Variants in ZKSCAN1 observed in about 807,000 individuals in gnomAD.
ZKSCAN1 encodes the protein zinc finger protein with KRAB and SCAN domains 1.
Under a neutral mutation model 51.6 loss-of-function variants are expected in ZKSCAN1, and 14 were observed. That is an observed-to-expected ratio of 0.27 (90% CI 0.18 to 0.42). The LOEUF is 0.42. Among genes scored for constraint, ZKSCAN1 ranks in the 10% least tolerant of loss-of-function variants. The pLI is 1.00. For missense variants in ZKSCAN1, 531 were observed against 710.0 expected, an observed-to-expected ratio of 0.75 and a Z score of 2.86; for synonymous variants, 263 against 261.5, an observed-to-expected ratio of 1.01 and a Z score of -0.06.
At chr7:100,028,492 G>T (rs577967757) in intron 3 of ZKSCAN1, among the ~76,000 whole-genome samples, 2 of 152,106 alleles carry the variant, frequency 1.3e-5, no homozygotes, top group African/African-American at 4.8e-5. Flanking sequence ...CAACCTGGGT[G>T]ACAGAGAGCC....
rs1209803016 is a variant in ZKSCAN1, at chr7:100,037,315, A to G, written c.*3118A>G. 1.0e-6 allele frequency: 1 copy of G among 985,472 alleles called. No individual in the cohort carries two copies. The highest frequency in any genetic ancestry group is 1.7e-5 in the African/African-American group (1 of 57,372). The allele number at this position is 985,472 out of a possible 1,614,324, so 61.0% of individuals were successfully genotyped here. On this transcript the variant is annotated 3_prime_UTR_variant, in exon 6 of 6. Coordinates refer to ENST00000324306, the MANE Select transcript of ZKSCAN1 (RefSeq NM_003439.4). ...ATACCCTACCCTTGCCAGGAAGAGAAGTAAAATCCTCAGGTTGTGGGGTAT... is the reference window on the plus strand; with the variant it reads ...ATACCCTACCCTTGCCAGGAAGAGAGGTAAAATCCTCAGGTTGTGGGGTAT...
chr7:100,043,546 T>A (rs73395916), downstream of ZKSCAN1, among the ~76,000 whole-genome samples: 3,359 of 151,468 alleles, frequency 0.022, 131 homozygotes, highest in African/African-American at 0.078. Flanking sequence ...GATTTTTTTT[T>A]AATTTTTTGC....
At position 100,037,168 on chromosome 7, in the gene ZKSCAN1, G is replaced by A. The variant is rs1352263614; in HGVS notation, c.*2971G>A. On this transcript the variant is annotated 3_prime_UTR_variant, in exon 6 of 6. Transcript: ENST00000324306. ...AAAACGCTTGCAACATCTAATTGGC[G>A]TTCAAGATAGTCATTCAAAAGTTCT... 1.1e-5 allele frequency: 11 copies of A among 985,324 alleles called. No individual in the cohort carries two copies. Among genetic ancestry groups the A allele is most frequent in the Middle Eastern group, 5.2e-4 (1 of 1,936 alleles). 61.0% of individuals were successfully genotyped at this position (985,324 alleles called of 1,614,324 possible). A position where few individuals can be genotyped will look rare whatever the true frequency, so the allele number is the denominator to read the frequency against.
intron 3 of ZKSCAN1, among the ~76,000 whole-genome samples, chr7:100,028,812 AC>A (rs933292565): frequency 2.6e-5 from 4 of 151,316 alleles, no homozygotes; most frequent in South Asian, 2.1e-4. Flanking sequence ...AAAAAAAAAA[AC>A]AGTATTTATT....
At chr7:100,031,558 G>T (rs1187181803) in intron 5 of ZKSCAN1, among the ~76,000 whole-genome samples, 2 of 152,136 alleles carry the variant, frequency 1.3e-5, no homozygotes, top group Non-Finnish European at 2.9e-5. Flanking sequence ...GGATTTAACA[G>T]GAGTGAGCCA....
At position 100,036,565 on chromosome 7, in the gene ZKSCAN1, A is replaced by G. The variant is rs1791368985; in HGVS notation, c.*2368A>G. ...AAATCCCGTCTCTACTAAAATTATA[A>G]AAATTAGCCGGGCATGATGGTGGGC... On this transcript the variant is annotated 3_prime_UTR_variant, in exon 6 of 6. Coordinates refer to ENST00000324306, the MANE Select transcript of ZKSCAN1 (RefSeq NM_003439.4). 2.6e-6 allele frequency: 2 copies of G among 782,768 alleles called. No homozygotes were observed. Among genetic ancestry groups the G allele is most frequent in the African/African-American group, 3.8e-5 (2 of 52,996 alleles). 48.5% of individuals were successfully genotyped at this position (782,768 alleles called of 1,614,324 possible). A position where few individuals can be genotyped will look rare whatever the true frequency, so the allele number is the denominator to read the frequency against.
intron 5 of ZKSCAN1, among the ~76,000 whole-genome samples, chr7:100,030,896 T>A (rs2115917222): frequency 6.6e-6 from 1 of 152,340 alleles, no homozygotes; most frequent in Non-Finnish European, 1.5e-5. Flanking sequence ...AACTTGCACC[T>A]GGACTGTCCT....
At chr7:100,030,204 C>A in intron 4 of ZKSCAN1, 45 bp from the exon 5 acceptor site, 1 of 1,600,784 alleles carries the variant, frequency 6.2e-7, no homozygotes, top group Non-Finnish European at 8.5e-7. Context: ...ATGGGATTGT[C>A]CCTGAGTTTG....
At chr7:100,023,380 G>A (rs1344541726) in intron 1 of ZKSCAN1, 39 bp from the exon 2 acceptor site, 3 of 1,086,884 alleles carry the variant, frequency 2.8e-6, no homozygotes, top group South Asian at 1.6e-5. Context: ...ATCACTTTTT[G>A]TAAAGGTACG....
chr7:100,016,658 C>T lies in ZKSCAN1; in HGVS notation c.-89+932C>T, dbSNP rs149055137. On this transcript the variant is annotated intron_variant, in intron 1 of 5. Transcript: ENST00000324306. ...TTAGCTTGACACTCCTCCATCCCTC[C>T]CCTCCCTTTCCTGCAGTGCCCCCTG... is the stretch of plus-strand genomic sequence containing the variant. 4.6e-5 allele frequency among the ~76,000 whole-genome samples: 7 copies of T among 152,266 alleles called. No individual in the cohort carries two copies. In the East Asian group the frequency reaches 1.3e-3, roughly 29 times the overall value.
intron 1 of ZKSCAN1, among the ~76,000 whole-genome samples, chr7:100,018,304 G>A (rs915083932): frequency 1.3e-5 from 2 of 152,170 alleles, no homozygotes; most frequent in Admixed American, 6.5e-5. Flanking sequence ...GGCTTGCAAG[G>A]AATCATGCTA....
intron 1 of ZKSCAN1, chr7:100,019,246 A>T (rs996311946): frequency 2.0e-5 from 3 of 151,970 alleles, no homozygotes; most frequent in African/African-American, 7.3e-5. Context: ...TCTCTCTGTC[A>T]CCCAGGCTGG....
intron 3 of ZKSCAN1, among the ~76,000 whole-genome samples, chr7:100,029,105 G>C (rs1385995425): frequency 6.9e-6 from 1 of 144,894 alleles, no homozygotes; most frequent in Admixed American, 7.2e-5. Flanking sequence ...CGAAAGTTGC[G>C]ATGAGCTAAG....
rs551556553 is a variant in ZKSCAN1 at position 100,032,411 on chromosome 7, C to T, written c.800-894C>T. On this transcript the variant is annotated intron_variant, in intron 5 of 5. Coordinates refer to ENST00000324306, the MANE Select transcript of ZKSCAN1 (RefSeq NM_003439.4). ...CCCTTGTGTCTGTTTCTTCCATCCT[C>T]TCCCCATGCTCCCTCTGTTGTCATT... Among the ~76,000 whole-genome samples the T allele has an allele frequency of 2.8e-4, 43 of 152,272 alleles. 1 individual carries two copies. In the South Asian group the frequency reaches 8.1e-3, roughly 29 times the overall value.
Position 100,023,611 on chromosome 7 carries a change from C to T in ZKSCAN1, c.105C>T (p.Asp35=), listed in dbSNP as rs777325265. The change falls in exon 2 of 6, where the codon GAC becomes GAT. Residue 35 remains aspartate (D), a synonymous_variant. Transcript: ENST00000324306. ...IVKVEEEDEE[D]HMWGQDSTLQ... ...AGGTGGAAGAGGAAGATGAGGAAGACCACATGTGGGGGCAGGATTCCACCC... is the reference window on the plus strand; with the variant it reads ...AGGTGGAAGAGGAAGATGAGGAAGATCACATGTGGGGGCAGGATTCCACCC... The T allele has an allele frequency of 2.5e-6, 4 of 1,614,028 alleles. No homozygotes were observed. Among genetic ancestry groups the T allele is most frequent in the Admixed American group, 3.3e-5 (2 of 60,018 alleles).
At chr7:100,018,754 G>A (rs1790479109) in intron 1 of ZKSCAN1, among the ~76,000 whole-genome samples, 2 of 152,192 alleles carry the variant, frequency 1.3e-5, no homozygotes, top group South Asian at 4.1e-4. Flanking sequence ...AGAAGAGTAT[G>A]TGCTCAGATC....
Position 100,039,646 on chromosome 7 carries a change from C to T in ZKSCAN1, c.*5449C>T, listed in dbSNP as rs1791511811. 1.0e-6 allele frequency: 1 copy of T among 985,326 alleles called. No homozygotes were observed. The allele number at this position is 985,326 out of a possible 1,614,324, so 61.0% of individuals were successfully genotyped here. On this transcript the variant is annotated 3_prime_UTR_variant, in exon 6 of 6. Transcript: ENST00000324306. ...TTATCCAAAGCCAGCTAACCAGGTT[C>T]ATCCTACCATCCTCATGGAAGACTG...
Position 100,035,453 on chromosome 7 carries a change from C to G in ZKSCAN1, c.*1256C>G, listed in dbSNP as rs1174246546. The G allele has an allele frequency of 1.3e-5, 2 of 151,642 alleles. No homozygotes were observed. Among genetic ancestry groups the G allele is most frequent in the Admixed American group, 6.6e-5 (1 of 15,222 alleles). 9.4% of individuals were successfully genotyped at this position (151,642 alleles called of 1,614,324 possible). A position where few individuals can be genotyped will look rare whatever the true frequency, so the allele number is the denominator to read the frequency against. ...TTTGACATCTTTCTGTGGCAAAGCT[C>G]TTAGAATTCTTTGCAGTTAGCTGCT... On this transcript the variant is annotated 3_prime_UTR_variant, in exon 6 of 6. Transcript: ENST00000324306.
At chr7:100,025,180 C>T (rs1177331823) in intron 3 of ZKSCAN1, among the ~76,000 whole-genome samples, 2 of 151,896 alleles carry the variant, frequency 1.3e-5, no homozygotes, top group Non-Finnish European at 2.9e-5. Flanking sequence ...TCATTATTTT[C>T]AGCCTAGGTT....
Sources: allele counts gnomAD v4.1 joint callset (sites outside exome capture counted in the v4.1 genomes callset), GRCh38; gene constraint gnomAD v4.1.1; transcripts MANE v1.5; gene names NCBI Gene and HGNC (gene_info 2026-07-23, HGNC 2026-07-21).